Variants in VWA2 observed in about 807,000 individuals in gnomAD.
VWA2 encodes the protein von Willebrand factor A domain-containing protein 2.
A neutral mutation model predicts 70.4 loss-of-function variants in VWA2; 73 were observed. That is an observed-to-expected ratio of 1.04 (90% CI 0.86 to 1.26). VWA2 has a LOEUF of 1.26. Ranked by LOEUF, VWA2 falls within the 50% of genes most tolerant of loss-of-function variation. The pLI, the probability that VWA2 is intolerant of heterozygous loss-of-function variation, is 0.00. For missense variants in VWA2, 1,011 were observed against 998.5 expected (o/e 1.01, Z -0.17); for synonymous variants, 407 against 423.3 (o/e 0.96, Z 0.47).
At chr10:114,282,151 A>G (rs1245304523) in intron 8 of VWA2, among the ~76,000 whole-genome samples, 1 of 152,012 alleles carries the variant, frequency 6.6e-6, no homozygotes, top group African/African-American at 2.4e-5. Context: ...TTACAGGCAC[A>G]TGCCACCACG....
intron 10 of VWA2, 49 bp downstream of exon 10, chr10:114,285,019 G>C: frequency 7.0e-7 from 1 of 1,438,378 alleles, no homozygotes; most frequent in Non-Finnish European, 9.3e-7. Context: ...AGCAAGAAGA[G>C]GACGGGCTCC....
At position 114,291,623 on chromosome 10, in the gene VWA2, A is replaced by C; in HGVS notation, c.*386A>C. On this transcript the variant is annotated 3_prime_UTR_variant, in exon 14 of 14. Coordinates refer to ENST00000392982, the MANE Select transcript of VWA2 (RefSeq NM_001272046.2). ...CCTGACGTTCCTTTGCACACAATCA[A>C]TGCTCGCCAGAATGTTGTTGACACA... 1 of 199,532 alleles carries C rather than the reference A, an allele frequency of 5.0e-6. No individual in the cohort carries two copies. The highest frequency in any genetic ancestry group is 1.0e-5 in the Non-Finnish European group (1 of 97,142). The allele number at this position is 199,532 out of a possible 1,614,324, so 12.4% of individuals were successfully genotyped here. A position where few individuals can be genotyped will look rare whatever the true frequency, so the allele number is the denominator to read the frequency against.
At chr10:114,276,825 C>G (rs140540758) in intron 6 of VWA2, among the ~76,000 whole-genome samples, 1 of 151,934 alleles carries the variant, frequency 6.6e-6, no homozygotes, top group African/African-American at 2.4e-5. Flanking sequence ...GGTCTCTTTC[C>G]GCCTTTTGAG....
chr10:114,250,785 G>A (rs961148464), intron 2 of VWA2, among the ~76,000 whole-genome samples: 3 of 152,220 alleles, frequency 2.0e-5, no homozygotes, highest in African/African-American at 7.2e-5. Context: ...AGATGTGTTT[G>A]GGGCCAGGGC....
At chr10:114,263,650 T>C (rs1406146777) in intron 5 of VWA2, among the ~76,000 whole-genome samples, 3 of 152,122 alleles carry the variant, frequency 2.0e-5, no homozygotes, top group African/African-American at 7.2e-5. Flanking sequence ...TCTGCACTTT[T>C]AAAAGGCGTC....
chr10:114,240,690 T>C (rs1227188436), intron 1 of VWA2, among the ~76,000 whole-genome samples: 1 of 152,146 alleles, frequency 6.6e-6, no homozygotes, highest in Non-Finnish European at 1.5e-5. Flanking sequence ...ACCACTAGAG[T>C]TGGCAAAAGC....
chr10:114,283,351 T>C (rs993889024), intron 9 of VWA2, among the ~76,000 whole-genome samples: 10 of 145,730 alleles, frequency 6.9e-5, no homozygotes, highest in African/African-American at 1.8e-4. Context: ...ACAGGCAGGG[T>C]AGCGAGCAGT....
intron 4 of VWA2, among the ~76,000 whole-genome samples, chr10:114,259,506 C>A (rs1278131299): frequency 6.7e-6 from 1 of 149,222 alleles, no homozygotes; most frequent in Non-Finnish European, 1.5e-5. Context: ...ATTTATCAAT[C>A]TTTCCTTTAT....
At chr10:114,289,600 G>GGGAAGCAAGTGCT in intron 12 of VWA2, 111 bp downstream of exon 12, 1 of 1,285,322 alleles carries the variant, frequency 7.8e-7, no homozygotes, top group Non-Finnish European at 1.1e-6. Context: ...CTGAGCACTT[G>GGGAAGCAAGTGCT]CTTCCCAAGT....
At position 114,277,904 on chromosome 10, in the gene VWA2, C is replaced by T. The variant is rs1341393907; in HGVS notation, c.567-10C>T. 9 of 1,600,618 alleles carry T rather than the reference C, an allele frequency of 5.6e-6. No homozygotes were observed. The East Asian group carries it at 9.0e-5, about 16-fold the overall frequency. On this transcript the variant is annotated splice_polypyrimidine_tract_variant and intron_variant, in intron 6 of 13. Transcript: ENST00000392982. ...ATAGGACCACAAGCTGTTACAACCC[C>T]TTGGCACAGGTGGGAGGAGCTGCAT...
chr10:114,289,992 C>CA lies in VWA2; in HGVS notation c.2123-230dup, dbSNP rs35165936. The stretch of plus-strand genomic sequence containing the variant: ...GGGCAACAAGAGCAAGATTCTGCCT[C>CA]AAAAAAAAAAAAAAAAAAGTCTGCC... On this transcript the variant is annotated intron_variant, in intron 12 of 13. Transcript: ENST00000392982. The CA allele has an allele frequency of 5.5e-3, 1,164 of 212,664 alleles. 2 individuals are homozygous for CA. The highest frequency in any genetic ancestry group is 0.011 in the Middle Eastern group (7 of 624). The allele number at this position is 212,664 out of a possible 1,614,324, so 13.2% of individuals were successfully genotyped here.
At chr10:114,263,028 G>A (rs1218493138) in intron 5 of VWA2, among the ~76,000 whole-genome samples, 2 of 152,146 alleles carry the variant, frequency 1.3e-5, no homozygotes, top group African/African-American at 4.8e-5. Flanking sequence ...TATGCGCTTT[G>A]TTTTTGAAGC....
intron 4 of VWA2, among the ~76,000 whole-genome samples, chr10:114,258,470 G>A (rs945784347): frequency 6.6e-6 from 1 of 152,142 alleles, no homozygotes; most frequent in Non-Finnish European, 1.5e-5. Context: ...GCCTGTTTCT[G>A]AGCGTACAGT....
chr10:114,240,138 G>C (rs2036950158), intron 1 of VWA2, among the ~76,000 whole-genome samples: 1 of 152,238 alleles, frequency 6.6e-6, no homozygotes, highest in African/African-American at 2.4e-5. Flanking sequence ...AGAGGGGCCG[G>C]CTGCCCCGAG....
intron 4 of VWA2, among the ~76,000 whole-genome samples, chr10:114,258,827 C>T (rs1446076623): frequency 6.6e-6 from 1 of 152,184 alleles, no homozygotes; most frequent in Non-Finnish European, 1.5e-5. Context: ...TTACACAAAG[C>T]GTAGCCTACC....
chr10:114,240,665 A>G (rs2036959477), intron 1 of VWA2, among the ~76,000 whole-genome samples: 1 of 152,240 alleles, frequency 6.6e-6, no homozygotes, highest in African/African-American at 2.4e-5. Flanking sequence ...AGAGAAGTGA[A>G]GAGGTCAGAA....
chr10:114,278,118 T>C, intron 7 of VWA2, 71 bp downstream of exon 7: 1 of 1,557,280 alleles, frequency 6.4e-7, no homozygotes, highest in South Asian at 1.2e-5. Context: ...AGGCAAGAGG[T>C]CAGGACCCAG....
chr10:114,290,243 C>T lies in VWA2; in HGVS notation c.2126C>T (p.Ala709Val). The change falls in exon 13 of 14, where the codon GCC becomes GTC. Residue 709 changes from alanine to valine, a missense_variant. By Grantham distance (64) the Ala-to-Val change is moderately conservative (BLOSUM62 0). Transcript: ENST00000392982. Reference protein sequence around the residue: ...DVLIEWLCGEAKQPVNLCKPS... With the variant: ...DVLIEWLCGEVKQPVNLCKPS... ...GGTATGGTGTTCTCCATTGTAGAAG[C>T]CAAGCAGCCAGTCAACCTCTGCAAA... The T allele has an allele frequency of 6.4e-7, 1 of 1,550,400 alleles. No homozygotes were observed. Among genetic ancestry groups the T allele is most frequent in the Non-Finnish European group, 8.7e-7 (1 of 1,146,912 alleles).
rs1245476923 is a variant in VWA2 at position 114,278,177 on chromosome 10, C to T, written c.700+130C>T. ...GGCAAGAGAAACAGAGACCGGCAGCCTCCACCCTGGATGCTCTGCGTCTCC... is the reference window on the plus strand; with the variant it reads ...GGCAAGAGAAACAGAGACCGGCAGCTTCCACCCTGGATGCTCTGCGTCTCC... On this transcript the variant is annotated intron_variant, in intron 7 of 13. Coordinates refer to ENST00000392982, the MANE Select transcript of VWA2 (RefSeq NM_001272046.2). The T allele has an allele frequency of 2.3e-6, 3 of 1,307,160 alleles. No individual in the cohort carries two copies. The African/African-American group carries it at 4.4e-5, about 19-fold the overall frequency. The allele number at this position is 1,307,160 out of a possible 1,614,324, so 81.0% of individuals were successfully genotyped here. A position where few individuals can be genotyped will look rare whatever the true frequency, so the allele number is the denominator to read the frequency against.
Sources: allele counts gnomAD v4.1 joint callset (sites outside exome capture counted in the v4.1 genomes callset), GRCh38; gene constraint gnomAD v4.1.1; transcripts MANE v1.5; gene names NCBI Gene and HGNC (gene_info 2026-07-23, HGNC 2026-07-21).